Variants in GPM6A observed in about 807,000 individuals in gnomAD.
The protein encoded by GPM6A is neuronal membrane glycoprotein M6-a.
In GPM6A, 7 loss-of-function variants were observed where a neutral mutation model predicts 32.1. The observed-to-expected ratio is 0.22, with a 90% CI of 0.12 to 0.41. The LOEUF is 0.41. Ranked by LOEUF, GPM6A falls within the 10% of genes least tolerant of loss-of-function variation. GPM6A has a pLI of 1.00. For synonymous variants in GPM6A, 130 were observed against 123.4 expected (o/e 1.05, Z -0.35); for missense variants, 235 against 347.2 (o/e 0.68, Z 2.57).
chr4:175,797,273 C>T (rs534414848), intron 1 of GPM6A, among the ~76,000 whole-genome samples: 17 of 152,168 alleles, frequency 1.1e-4, no homozygotes, highest in Admixed American at 3.9e-4. Flanking sequence ...CTTATTCCAT[C>T]ACAATATTGA....
chr4:175,850,000 T>G (rs1279046242), intron 1 of GPM6A, among the ~76,000 whole-genome samples: 1 of 151,926 alleles, frequency 6.6e-6, no homozygotes, highest in East Asian at 1.9e-4. Context: ...ATGGACGGAG[T>G]AAAGGCTGTA....
chr4:175,900,671 T>C (rs575795719), intron 1 of GPM6A, among the ~76,000 whole-genome samples: 9 of 152,150 alleles, frequency 5.9e-5, no homozygotes, highest in Admixed American at 1.3e-4. Flanking sequence ...ACACTGTTGG[T>C]GGGAATATAC....
chr4:175,748,007 A>G (rs887025320), intron 1 of GPM6A, among the ~76,000 whole-genome samples: 14 of 152,284 alleles, frequency 9.2e-5, no homozygotes, highest in Admixed American at 8.5e-4. Flanking sequence ...TTTTTCATTC[A>G]TAAGAAGCAA....
chr4:175,688,747 T>C (rs779412017), intron 2 of GPM6A, among the ~76,000 whole-genome samples: 30 of 152,256 alleles, frequency 2.0e-4, no homozygotes, highest in Admixed American at 8.5e-4. Context: ...TATATCAAAA[T>C]ACCACATGTG....
chr4:175,785,629 C>T (rs1189094161), intron 1 of GPM6A, among the ~76,000 whole-genome samples: 2 of 152,072 alleles, frequency 1.3e-5, no homozygotes, highest in Non-Finnish European at 2.9e-5. Context: ...GAAGAAACCC[C>T]TTTTTTAGCA....
intron 1 of GPM6A, among the ~76,000 whole-genome samples, chr4:175,963,103 A>G (rs148272857): frequency 3.3e-4 from 50 of 152,298 alleles, no homozygotes; most frequent in African/African-American, 1.2e-3. Context: ...AAGTCAATGG[A>G]AACATCAAAA....
chr4:175,974,442 A>AG (rs1443986980), intron 1 of GPM6A, among the ~76,000 whole-genome samples: 2 of 151,186 alleles, frequency 1.3e-5, no homozygotes, highest in African/African-American at 4.9e-5. Flanking sequence ...TGCAGCCTCC[A>AG]CCTCCCGGGT....
chr4:175,701,285 G>A (rs1744861161), intron 2 of GPM6A, among the ~76,000 whole-genome samples: 1 of 152,174 alleles, frequency 6.6e-6, no homozygotes, highest in Non-Finnish European at 1.5e-5. Flanking sequence ...AATGAGAAGA[G>A]CAAGGGAAGT....
chr4:175,946,761 G>C (rs1484343162), intron 1 of GPM6A, among the ~76,000 whole-genome samples: 2 of 152,148 alleles, frequency 1.3e-5, no homozygotes, highest in African/African-American at 4.8e-5. Flanking sequence ...GACAATTGGG[G>C]CCTGGTAGAG....
At chr4:175,868,460 T>A (rs1736806969) in intron 1 of GPM6A, among the ~76,000 whole-genome samples, 1 of 152,240 alleles carries the variant, frequency 6.6e-6, no homozygotes, top group African/African-American at 2.4e-5. Flanking sequence ...ATGCACTTAA[T>A]GCTATAAAGT....
At chr4:175,922,284 C>A (rs1360557628) in intron 1 of GPM6A, among the ~76,000 whole-genome samples, 2 of 152,162 alleles carry the variant, frequency 1.3e-5, no homozygotes, top group Non-Finnish European at 2.9e-5. Flanking sequence ...ACCCAAATGT[C>A]CTATAAGTCC....
At chr4:175,875,653 C>T (rs534923559) in intron 1 of GPM6A, among the ~76,000 whole-genome samples, 2 of 152,296 alleles carry the variant, frequency 1.3e-5, no homozygotes, top group East Asian at 3.9e-4. Context: ...CACTGAGCAT[C>T]TCATCCCTAC....
At chr4:175,813,379 C>T (rs1456147138), upstream of GPM6A, among the ~76,000 whole-genome samples, 1 of 152,120 alleles carries the variant, frequency 6.6e-6, no homozygotes, top group Non-Finnish European at 1.5e-5. Context: ...AGGGCACAGT[C>T]CAAGAGTCTC....
chr4:175,963,901 G>A (rs572306355), intron 1 of GPM6A, among the ~76,000 whole-genome samples: 83 of 152,168 alleles, frequency 5.5e-4, no homozygotes, highest in Non-Finnish European at 8.5e-4. Flanking sequence ...TGTCCTATCT[G>A]TGGTAATATA....
chr4:175,757,456 TGTTC>T (rs1233303342), intron 1 of GPM6A, among the ~76,000 whole-genome samples: 1 of 152,100 alleles, frequency 6.6e-6, no homozygotes, highest in Admixed American at 6.6e-5. Flanking sequence ...GATATAAAAA[TGTTC>T]GTTGTTGCTT....
chr4:175,738,900 G>A (rs1005251326), intron 1 of GPM6A, among the ~76,000 whole-genome samples: 2 of 151,952 alleles, frequency 1.3e-5, no homozygotes, highest in African/African-American at 2.4e-5. Flanking sequence ...TAGGTGGCGT[G>A]GATATCAGGC....
In GPM6A at chr4:175,912,412, T is replaced by C. The variant is rs575249035; in HGVS notation, c.-23+89897A>G. On this transcript the variant is annotated intron_variant, in intron 1 of 7. Transcript: ENST00000280187. ...GCTCATACCTGTAATCCCAGCACTTTGGGAGGTTGAGGCAGGTGGATCACC... is the reference window on the plus strand; with the variant it reads ...GCTCATACCTGTAATCCCAGCACTTCGGGAGGTTGAGGCAGGTGGATCACC... Among the ~76,000 whole-genome samples the C allele has an allele frequency of 2.0e-5, 3 of 152,206 alleles. No homozygotes were observed. The South Asian group carries it at 6.2e-4, about 32-fold the overall frequency.
At chr4:175,910,942 G>A (rs759972464) in intron 1 of GPM6A, among the ~76,000 whole-genome samples, 9 of 152,254 alleles carry the variant, frequency 5.9e-5, no homozygotes, top group East Asian at 3.9e-4. Context: ...GGTTTGGCCC[G>A]AGGTCTTGGC....
intron 1 of GPM6A, among the ~76,000 whole-genome samples, chr4:175,947,291 C>A (rs538092832): frequency 6.6e-6 from 1 of 151,834 alleles, no homozygotes; most frequent in Admixed American, 6.6e-5. Context: ...ATTAGAAAAT[C>A]TTCCTGTGAT....
Sources: gnomAD v4.1 joint callset for allele counts (sites outside exome capture counted in the v4.1 genomes callset) on GRCh38, gnomAD v4.1.1 for gene constraint, MANE v1.5 for transcripts, NCBI Gene and HGNC (gene_info 2026-07-23, HGNC 2026-07-21) for gene names.